The following YTHDF3 variants were observed in gnomAD, a reference collection of about 807,000 sequenced individuals.
The protein encoded by YTHDF3 is YTH N6-methyladenosine RNA binding protein F3, also known as YTH domain-containing family protein 3.
Under a neutral mutation model 52.5 loss-of-function variants are expected in YTHDF3, and 9 were observed. The ratio of observed to expected loss-of-function variants is 0.17; its 90% CI spans 0.10 to 0.30. The LOEUF (loss-of-function observed/expected upper bound fraction) is 0.30, where lower values mean the gene tolerates loss of function less well. YTHDF3 is among the 10% of genes least tolerant of loss of function. The pLI is 1.00. For missense variants in YTHDF3, 534 were observed against 715.0 expected, an observed-to-expected ratio of 0.75 and a Z score of 2.89; for synonymous variants, 274 against 243.3, an observed-to-expected ratio of 1.13 and a Z score of -1.18.
At chr8:63,180,620 G>C (rs1408691401) in intron 3 of YTHDF3, among the ~76,000 whole-genome samples, 1 of 152,238 alleles carries the variant, frequency 6.6e-6, no homozygotes, top group Non-Finnish European at 1.5e-5. Context: ...GGCCAAGGCA[G>C]GCTGCTGGGA....
rs965250667 is a variant in YTHDF3 at position 63,212,035 on chromosome 8, T to G, written c.*2329T>G. 1.3e-5 allele frequency: 2 copies of G among 152,566 alleles called. No individual in the cohort carries two copies. Among genetic ancestry groups the G allele is most frequent in the African/African-American group, 4.8e-5 (2 of 41,442 alleles). The allele number at this position is 152,566 out of a possible 1,614,324, so 9.5% of individuals were successfully genotyped here. On this transcript the variant is annotated 3_prime_UTR_variant, in exon 5 of 5. Transcript: ENST00000539294. ...CAACCAACTGAATGTCTCTTAACTGTGGGGACCAAAAGGGAGAGAGCCTGG... is the reference window on the plus strand; with the variant it reads ...CAACCAACTGAATGTCTCTTAACTGGGGGGACCAAAAGGGAGAGAGCCTGG...
chr8:63,191,825 CTCAAT>C (rs1160264749), intron 4 of YTHDF3, among the ~76,000 whole-genome samples: 11 of 152,084 alleles, frequency 7.2e-5, no homozygotes, highest in Admixed American at 3.9e-4. Context: ...CGTTGTGTAA[CTCAAT>C]TCTTTGTTCC....
intron 4 of YTHDF3, among the ~76,000 whole-genome samples, chr8:63,207,423 CG>C (rs1810104017): frequency 6.6e-6 from 1 of 152,072 alleles, no homozygotes; most frequent in South Asian, 2.1e-4. Context: ...CTAGTTTAAA[CG>C]TGTAAATGAT....
chr8:63,171,751 T>C (rs1807341718), intron 2 of YTHDF3, among the ~76,000 whole-genome samples: 1 of 152,236 alleles, frequency 6.6e-6, no homozygotes, highest in East Asian at 1.9e-4. Context: ...ATATGAGTAA[T>C]CTTGAATTCT....
At chr8:63,190,976 A>C (rs1808875100) in intron 4 of YTHDF3, among the ~76,000 whole-genome samples, 1 of 152,192 alleles carries the variant, frequency 6.6e-6, no homozygotes, top group African/African-American at 2.4e-5. Context: ...AGATCCATAA[A>C]ATGTCTTTGG....
chr8:63,181,678 G>A lies in YTHDF3; in HGVS notation c.136-4469G>A, dbSNP rs140858511. ...CTTTCTTTGTAATTCATTTAGAGTA[G>A]CTATCACATTATAGGGTAAATAAGT... On this transcript the variant is annotated intron_variant, in intron 3 of 4. Transcript: ENST00000539294. Among the ~76,000 whole-genome samples the A allele has an allele frequency of 8.5e-5, 13 of 152,262 alleles. No homozygotes were observed. In the East Asian group the frequency reaches 9.6e-4, roughly 11 times the overall value.
intron 3 of YTHDF3, among the ~76,000 whole-genome samples, chr8:63,184,585 A>C (rs1808376040): frequency 6.6e-6 from 1 of 152,246 alleles, no homozygotes; most frequent in Non-Finnish European, 1.5e-5. Context: ...AGCCTTTTCA[A>C]AAATAATTTA....
intron 3 of YTHDF3, among the ~76,000 whole-genome samples, chr8:63,180,190 C>T (rs1405895974): frequency 4.7e-5 from 7 of 150,196 alleles, no homozygotes; most frequent in East Asian, 4.1e-4. Context: ...GGGCGGCTTC[C>T]GGGCGGAGGG....
At chr8:63,201,990 C>G (rs1252113318) in intron 4 of YTHDF3, among the ~76,000 whole-genome samples, 2 of 152,128 alleles carry the variant, frequency 1.3e-5, no homozygotes, top group Non-Finnish European at 2.9e-5. Context: ...ATATTTAGAT[C>G]CTGCATGTTC....
rs572458712 is a variant in YTHDF3, at chr8:63,175,530, T to C, written c.135+114T>C. On this transcript the variant is annotated intron_variant, in intron 3 of 4. Transcript: ENST00000539294. ...CCATAACATGGATTCATTCATCTAGTGTACCTATATAGTAAGTGAGTAGTG... is the reference window on the plus strand; with the variant it reads ...CCATAACATGGATTCATTCATCTAGCGTACCTATATAGTAAGTGAGTAGTG... 14 of 839,388 alleles carry C rather than the reference T, an allele frequency of 1.7e-5. No individual in the cohort carries two copies. The South Asian group carries it at 2.1e-4, about 13-fold the overall frequency. 52.0% of individuals were successfully genotyped at this position (839,388 alleles called of 1,614,324 possible). A position where few individuals can be genotyped will look rare whatever the true frequency, so the allele number is the denominator to read the frequency against.
At chr8:63,188,678 CATATAT>C (rs1166458271) in intron 4 of YTHDF3, 5 of 61,988 alleles carry the variant, frequency 8.1e-5, no homozygotes, top group East Asian at 5.8e-4. Flanking sequence ...TAAGAAATTA[CATATAT>C]ATATATATAT....
chr8:63,178,010 G>A (rs1807818398), intron 3 of YTHDF3, among the ~76,000 whole-genome samples: 1 of 152,074 alleles, frequency 6.6e-6, no homozygotes, highest in African/African-American at 2.4e-5. Flanking sequence ...CACCTGCCTC[G>A]GCCTCCCAAA....
intron 4 of YTHDF3, among the ~76,000 whole-genome samples, chr8:63,205,436 C>CT (rs908105956): frequency 0.012 from 1,697 of 139,644 alleles, 19 homozygotes; most frequent in Middle Eastern, 0.047. Flanking sequence ...CTTTTTCTTT[C>CT]TTTTTTTTTT....
chr8:63,206,672 C>G (rs1462869035), intron 4 of YTHDF3, among the ~76,000 whole-genome samples: 1 of 152,066 alleles, frequency 6.6e-6, no homozygotes, highest in African/African-American at 2.4e-5. Flanking sequence ...TTTTCATTTA[C>G]TAATAATACT....
At chr8:63,176,975 A>G (rs1003352416) in intron 3 of YTHDF3, among the ~76,000 whole-genome samples, 37 of 152,328 alleles carry the variant, frequency 2.4e-4, no homozygotes, top group African/African-American at 8.4e-4. Flanking sequence ...CACCGTGCCC[A>G]GCCTAAAATT....
chr8:63,187,798 A>G, intron 4 of YTHDF3, 53 bp downstream of exon 4: 2 of 1,497,610 alleles, frequency 1.3e-6, no homozygotes, highest in Non-Finnish European at 1.8e-6. Flanking sequence ...GGTGGGGTGC[A>G]TGGATGGGTA....
chr8:63,191,971 G>A (rs1026514327), intron 4 of YTHDF3, among the ~76,000 whole-genome samples: 15 of 152,166 alleles, frequency 9.9e-5, no homozygotes, highest in African/African-American at 3.6e-4. Flanking sequence ...AAGAATTTGT[G>A]TATACTTAAA....
Position 63,168,713 on chromosome 8 carries a change from C to T in YTHDF3, c.-165C>T. ...GCAAGCGGAAAAGACGGGCCTCTTC[C>T]TCCGACTCCCGAGCGCGAGGCCCTC... On this transcript the variant is annotated 5_prime_UTR_variant, in exon 1 of 5. Coordinates refer to ENST00000539294, the MANE Select transcript of YTHDF3 (RefSeq NM_152758.6). The T allele has an allele frequency of 1.4e-6, 2 of 1,388,732 alleles. No homozygotes were observed. Among genetic ancestry groups the T allele is most frequent in the Admixed American group, 2.0e-5 (1 of 49,100 alleles). The allele number at this position is 1,388,732 out of a possible 1,614,324, so 86.0% of individuals were successfully genotyped here.
At chr8:63,185,614 T>G (rs917030652) in intron 3 of YTHDF3, among the ~76,000 whole-genome samples, 23 of 152,250 alleles carry the variant, frequency 1.5e-4, no homozygotes, top group African/African-American at 5.5e-4. Flanking sequence ...TTCTCAAGAC[T>G]GTGAGCATTT....
Sources: allele counts gnomAD v4.1 joint callset (sites outside exome capture counted in the v4.1 genomes callset), GRCh38; gene constraint gnomAD v4.1.1; transcripts MANE v1.5; gene names NCBI Gene and HGNC (gene_info 2026-07-23, HGNC 2026-07-21).